Variants in MYRIP observed in about 807,000 individuals in gnomAD.
MYRIP encodes rab effector MyRIP.
MYRIP carries 49 observed loss-of-function variants against 98.0 expected under a neutral mutation model. That is an observed-to-expected ratio of 0.50 (90% confidence interval 0.40 to 0.63). The LOEUF is 0.63. Ranked by LOEUF, MYRIP falls within the 30% of genes least tolerant of loss-of-function variation. MYRIP has a pLI of 0.00. For synonymous variants in MYRIP, 404 were observed against 409.5 expected (o/e 0.99, Z 0.16); for missense variants, 1,004 against 1,058.2 (o/e 0.95, Z 0.71).
chr3:40,205,000 T>G, intron 10 of MYRIP, among the ~76,000 whole-genome samples: 1 of 152,158 alleles, frequency 6.6e-6, no homozygotes, highest in East Asian at 1.9e-4. Context: ...GGACAGCTAC[T>G]TTATTACAAT....
chr3:39,827,772 T>C (rs1218956717), intron 1 of MYRIP, among the ~76,000 whole-genome samples: 1 of 152,214 alleles, frequency 6.6e-6, no homozygotes, highest in African/African-American at 2.4e-5. Context: ...CTTGAGCATC[T>C]TGTCTAGTGG....
At chr3:40,101,964 T>C (rs1219214874) in intron 3 of MYRIP, among the ~76,000 whole-genome samples, 4 of 152,218 alleles carry the variant, frequency 2.6e-5, no homozygotes, top group Non-Finnish European at 5.9e-5. Context: ...TAGGATGATC[T>C]GGCTGGACTG....
At chr3:39,824,671 T>C (rs1941211942) in intron 1 of MYRIP, among the ~76,000 whole-genome samples, 1 of 152,050 alleles carries the variant, frequency 6.6e-6, no homozygotes, top group Non-Finnish European at 1.5e-5. Flanking sequence ...AGATAGTTGA[T>C]TGTTTGTGCA....
intron 10 of MYRIP, among the ~76,000 whole-genome samples, chr3:40,208,347 C>A (rs186739543): frequency 6.6e-6 from 1 of 152,310 alleles, no homozygotes; most frequent in East Asian, 1.9e-4. Context: ...CATAAAACAA[C>A]TCCAAGAGGA....
At chr3:39,910,387 A>G (rs980477898) in intron 2 of MYRIP, among the ~76,000 whole-genome samples, 1 of 152,200 alleles carries the variant, frequency 6.6e-6, no homozygotes, top group Non-Finnish European at 1.5e-5. Context: ...AATAGATGAA[A>G]TTAGGACCAT....
At chr3:40,256,347 A>G (rs1370488019) in intron 16 of MYRIP, among the ~76,000 whole-genome samples, 1 of 152,140 alleles carries the variant, frequency 6.6e-6, no homozygotes, top group East Asian at 1.9e-4. Context: ...TTACAAAATG[A>G]AAACATTACA....
intron 16 of MYRIP, among the ~76,000 whole-genome samples, chr3:40,253,392 C>T (rs1344425576): frequency 6.6e-6 from 1 of 152,180 alleles, no homozygotes; most frequent in Non-Finnish European, 1.5e-5. Flanking sequence ...CTGTCTCTTA[C>T]TTTTAATCAG....
At chr3:39,833,181 G>C (rs1941504910) in intron 1 of MYRIP, among the ~76,000 whole-genome samples, 1 of 152,186 alleles carries the variant, frequency 6.6e-6, no homozygotes, top group Non-Finnish European at 1.5e-5. Context: ...CCAAGAGAGA[G>C]AAGTGAGACA....
intron 1 of MYRIP, among the ~76,000 whole-genome samples, chr3:39,810,880 C>T (rs952053087): frequency 6.6e-6 from 1 of 152,198 alleles, no homozygotes; most frequent in East Asian, 1.9e-4. Flanking sequence ...GGTTCGCTAA[C>T]GTTGGCTCCT....
intron 3 of MYRIP, among the ~76,000 whole-genome samples, chr3:40,139,452 A>G (rs1949849046): frequency 6.6e-6 from 1 of 152,290 alleles, no homozygotes; most frequent in South Asian, 2.1e-4. Flanking sequence ...GCTTTTTGTC[A>G]ATGTAGATTA....
chr3:39,983,062 C>A (rs1006753386), intron 2 of MYRIP, among the ~76,000 whole-genome samples: 1 of 152,144 alleles, frequency 6.6e-6, no homozygotes, highest in Non-Finnish European at 1.5e-5. Context: ...CTTCGGAAAT[C>A]TTTTTGAAAT....
chr3:39,868,450 G>A (rs137946716), intron 1 of MYRIP, among the ~76,000 whole-genome samples: 1 of 152,218 alleles, frequency 6.6e-6, no homozygotes, highest in East Asian at 1.9e-4. Context: ...TTGGATAAGG[G>A]ACTGAGTTCC....
intron 1 of MYRIP, among the ~76,000 whole-genome samples, chr3:39,876,009 A>G (rs1942982120): frequency 1.3e-5 from 2 of 152,050 alleles, no homozygotes; most frequent in Non-Finnish European, 2.9e-5. Context: ...GACTTGCTTT[A>G]TGAATCTGGG....
chr3:40,027,230 AC>A (rs902953526), intron 2 of MYRIP, among the ~76,000 whole-genome samples: 25 of 152,048 alleles, frequency 1.6e-4, no homozygotes, highest in Admixed American at 6.6e-4. Flanking sequence ...AACAGGTGCA[AC>A]AGAGATCAGC....
chr3:40,202,376 G>A (rs914083027), intron 10 of MYRIP, among the ~76,000 whole-genome samples: 1 of 152,138 alleles, frequency 6.6e-6, no homozygotes, highest in Admixed American at 6.6e-5. Context: ...GGAAGATGAT[G>A]AGGCTAAATA....
At chr3:39,849,545 C>G (rs1222353976) in intron 1 of MYRIP, among the ~76,000 whole-genome samples, 1 of 152,152 alleles carries the variant, frequency 6.6e-6, no homozygotes, top group Non-Finnish European at 1.5e-5. Context: ...TCATCAGTAG[C>G]TACAGGCATG....
At position 40,155,358 on chromosome 3, in the gene MYRIP, A is replaced by G. The variant is rs569148690; in HGVS notation, c.469+4174A>G. 4.7e-5 allele frequency among the ~76,000 whole-genome samples: 7 copies of G among 150,304 alleles called. 1 individual carries two copies. The South Asian group carries it at 1.5e-3, about 32-fold the overall frequency. On this transcript the variant is annotated intron_variant, in intron 4 of 16. Transcript: ENST00000302541. Reference sequence around the variant, plus strand: ...ATGGCTGCATAGTATTCCATGGTGTATATGTGCCACATTTTCTTAATCCAG... The same window carrying G: ...ATGGCTGCATAGTATTCCATGGTGTGTATGTGCCACATTTTCTTAATCCAG...
chr3:40,060,200 C>T (rs972976754), intron 3 of MYRIP, among the ~76,000 whole-genome samples: 3 of 152,130 alleles, frequency 2.0e-5, no homozygotes, highest in African/African-American at 7.2e-5. Flanking sequence ...AGGGGTGACC[C>T]CTGCTTTGGG....
intron 3 of MYRIP, among the ~76,000 whole-genome samples, chr3:40,101,887 A>T (rs1368417570): frequency 6.6e-6 from 1 of 152,184 alleles, no homozygotes; most frequent in Admixed American, 6.5e-5. Flanking sequence ...TTTAATAGTG[A>T]TGCACTGAAA....
Sources: allele counts gnomAD v4.1 joint callset (sites outside exome capture counted in the v4.1 genomes callset), GRCh38; gene constraint gnomAD v4.1.1; transcripts MANE v1.5; gene names NCBI Gene and HGNC (gene_info 2026-07-23, HGNC 2026-07-21).